C7: variants seen among roughly 807,000 people sequenced by gnomAD.
C7 encodes complement component C7.
Under a neutral mutation model 104.8 loss-of-function variants are expected in C7, and 83 were observed. The observed-to-expected ratio is 0.79, with a 90% CI of 0.66 to 0.95. C7 has a LOEUF of 0.95. C7 is among the 40% of genes least tolerant of loss of function. The pLI is 0.00. For missense variants in C7, 1,070 were observed against 1,011.2 expected, an observed-to-expected ratio of 1.06 and a Z score of -0.79; for synonymous variants, 415 against 360.6, an observed-to-expected ratio of 1.15 and a Z score of -1.71.
At chr5:40,947,922 C>T (rs1377988213) in intron 8 of C7, 77 bp downstream of exon 8, 3 of 1,384,024 alleles carry the variant, frequency 2.2e-6, no homozygotes, top group East Asian at 4.6e-5. Flanking sequence ...TTAATGTAAG[C>T]TTTTGAGCTT....
In C7 at chr5:40,958,214, C is replaced by T; in HGVS notation, c.1442C>T (p.Thr481Ile). Residue 481 changes from threonine (T) to isoleucine (I), a missense_variant, in exon 11 of 18, where the codon ACA becomes ATA. By Grantham distance (89) the Thr-to-Ile change is moderately conservative (BLOSUM62 -1). Transcript: ENST00000313164. The stretch of plus-strand genomic sequence containing the variant: ...TGTCTGTGCCATTGCAAACCGTACA[C>T]ATTTGGTGCGGCGTGTGAGCAAGGA... ...THCLCHCKPY[T>I]FGAACEQGVL... 2 of 1,613,044 alleles carry T rather than the reference C, an allele frequency of 1.2e-6. No individual in the cohort carries two copies. The highest frequency in any genetic ancestry group is 2.2e-5 in the East Asian group (1 of 44,874).
intron 1 of C7, among the ~76,000 whole-genome samples, chr5:40,920,850 A>G (rs904057177): frequency 1.3e-5 from 2 of 152,164 alleles, no homozygotes; most frequent in African/African-American, 4.8e-5. Flanking sequence ...GGAGTTTGAG[A>G]CCAGCCTGCC....
chr5:40,913,823 G>T (rs1739261045), intron 1 of C7, among the ~76,000 whole-genome samples: 1 of 152,052 alleles, frequency 6.6e-6, no homozygotes, highest in Non-Finnish European at 1.5e-5. Context: ...GAGACTACAG[G>T]TGCGTGCCAA....
intron 16 of C7, among the ~76,000 whole-genome samples, chr5:40,978,425 A>T (rs1475926146): frequency 6.6e-6 from 1 of 152,162 alleles, no homozygotes; most frequent in Non-Finnish European, 1.5e-5. Flanking sequence ...CATTTCATTT[A>T]GTTGATCTGC....
At chr5:40,915,165 G>A (rs1347980655) in intron 1 of C7, among the ~76,000 whole-genome samples, 1 of 152,112 alleles carries the variant, frequency 6.6e-6, no homozygotes, top group Non-Finnish European at 1.5e-5. Context: ...AAAAACACTG[G>A]GAGAGATAAA....
At chr5:40,940,865 G>T (rs1739920229) in intron 6 of C7, among the ~76,000 whole-genome samples, 1 of 152,096 alleles carries the variant, frequency 6.6e-6, no homozygotes, top group South Asian at 2.1e-4. Context: ...ACAAAGGTGG[G>T]ATTTGAACTT....
Position 40,936,434 on chromosome 5 carries a change from C to T in C7, c.377C>T (p.Pro126Leu), listed in dbSNP as rs1561243306. The T allele has an allele frequency of 1.2e-6, 2 of 1,613,198 alleles. No individual in the cohort carries two copies. Among genetic ancestry groups the T allele is most frequent in the Middle Eastern group, 1.7e-4 (1 of 6,058 alleles). ...EDRCEDSERRPSCDIDKPPPN... is the reference protein window; with the variant it reads ...EDRCEDSERRLSCDIDKPPPN... Reference sequence around the variant, plus strand: ...AGATGTGAGGACTCAGAAAGGAGACCTTCCTGTGATATCGATAAACCTCCT... The same window carrying T: ...AGATGTGAGGACTCAGAAAGGAGACTTTCCTGTGATATCGATAAACCTCCT... The change falls in exon 5 of 18, where the codon CCT (proline) becomes CTT (leucine). Residue 126 changes from proline (P) to leucine (L), a missense_variant. Coordinates refer to ENST00000313164, the MANE Select transcript of C7 (RefSeq NM_000587.4).
intron 1 of C7, among the ~76,000 whole-genome samples, chr5:40,924,746 A>G (rs975137875): frequency 6.6e-6 from 1 of 152,232 alleles, no homozygotes; most frequent in African/African-American, 2.4e-5. Context: ...CAAGGCTTAC[A>G]GTTTGCACCT....
intron 2 of C7, among the ~76,000 whole-genome samples, chr5:40,929,835 C>G (rs1376484329): frequency 6.6e-6 from 1 of 152,092 alleles, no homozygotes; most frequent in Non-Finnish European, 1.5e-5. Flanking sequence ...CCTAAATGAA[C>G]AGGGGATGCA....
At chr5:40,977,670 T>C (rs768569258) in intron 16 of C7, among the ~76,000 whole-genome samples, 4 of 152,126 alleles carry the variant, frequency 2.6e-5, no homozygotes, top group Non-Finnish European at 5.9e-5. Flanking sequence ...AGTCTCCTGC[T>C]AGTCAGTGCT....
At chr5:40,918,687 TAA>T (rs201227337) in intron 1 of C7, among the ~76,000 whole-genome samples, 13 of 143,226 alleles carry the variant, frequency 9.1e-5, no homozygotes, top group Non-Finnish European at 1.4e-4. Flanking sequence ...TCAAAAACTG[TAA>T]AAAAAAAAAG....
chr5:40,913,773 G>A lies in C7; in HGVS notation c.6+4157G>A, dbSNP rs186830064. On this transcript the variant is annotated intron_variant, in intron 1 of 17. Coordinates refer to ENST00000313164, the MANE Select transcript of C7 (RefSeq NM_000587.4). ...CGGCTCACTGTAATCTCCACCTCCT[G>A]GGTTCAAGCGATTCTCCTGCCTCAG... 3.2e-3 allele frequency among the ~76,000 whole-genome samples: 486 copies of A among 152,246 alleles called. 2 individuals carry two copies. The highest frequency in any genetic ancestry group is 0.011 in the African/African-American group (471 of 41,542).
chr5:40,964,582 A>G (rs2443037), intron 13 of C7, 159 bp from the exon 14 acceptor site: 454,017 of 588,488 alleles, frequency 0.77, 176,180 homozygotes, highest in East Asian at 0.92. Context: ...TAGTGTTACT[A>G]ACTATATAGG....
At chr5:40,948,103 GT>G (rs1740091437) in intron 8 of C7, among the ~76,000 whole-genome samples, 1 of 152,094 alleles carries the variant, frequency 6.6e-6, no homozygotes, top group Non-Finnish European at 1.5e-5. Flanking sequence ...TATTGGCTGG[GT>G]TTTTAGAATG....
rs545035203 is a variant in C7, at chr5:40,922,843, T to C, written c.7-5737T>C. On this transcript the variant is annotated intron_variant, in intron 1 of 17. Transcript: ENST00000313164. ...AAAAATAACTCAAAATGAATTAGAC[T>C]TAAATGTAAAATGTGAAATTATGAA... Among the ~76,000 whole-genome samples, 24 of 152,238 alleles carry C rather than the reference T, an allele frequency of 1.6e-4. No individual in the cohort carries two copies. In the East Asian group the frequency reaches 4.4e-3, roughly 28 times the overall value.
intron 1 of C7, among the ~76,000 whole-genome samples, chr5:40,927,572 T>C (rs933432606): frequency 3.4e-4 from 51 of 151,586 alleles, no homozygotes; most frequent in African/African-American, 1.2e-3. Context: ...CAATAAAAAA[T>C]TGGCAAAATA....
In C7 at chr5:40,972,400, T is replaced by C; in HGVS notation, c.1883-3T>C. On this transcript the variant is annotated splice_region_variant and splice_polypyrimidine_tract_variant and intron_variant, in intron 14 of 17. Coordinates refer to ENST00000313164, the MANE Select transcript of C7 (RefSeq NM_000587.4). Reference sequence around the variant, plus strand: ...CTTATATTTTGCTCTCTTTTATCTTTAGAAATTGCCTGTGTTCTACCTGTA... The same window carrying C: ...CTTATATTTTGCTCTCTTTTATCTTCAGAAATTGCCTGTGTTCTACCTGTA... 1 of 1,613,578 alleles carries C rather than the reference T, an allele frequency of 6.2e-7. No homozygotes were observed.
chr5:40,938,472 G>A (rs1225774864), intron 6 of C7, among the ~76,000 whole-genome samples: 1 of 151,988 alleles, frequency 6.6e-6, no homozygotes, highest in Non-Finnish European at 1.5e-5. Flanking sequence ...TTATGAAAAT[G>A]CCTTGAACAT....
intron 4 of C7, among the ~76,000 whole-genome samples, chr5:40,935,481 G>C (rs1352642389): frequency 1.3e-5 from 2 of 152,178 alleles, no homozygotes; most frequent in African/African-American, 4.8e-5. Flanking sequence ...GGAAGAACAT[G>C]CATCAGAGCC....
Sources: gnomAD v4.1 joint callset for allele counts (sites outside exome capture counted in the v4.1 genomes callset) on GRCh38, gnomAD v4.1.1 for gene constraint, MANE v1.5 for transcripts, NCBI Gene and HGNC (gene_info 2026-07-23, HGNC 2026-07-21) for gene names.